The following PRKAR1B variants were observed in gnomAD, a reference collection of about 807,000 sequenced individuals.
The protein encoded by PRKAR1B is cAMP-dependent protein kinase type I-beta regulatory subunit.
In PRKAR1B, 22 loss-of-function variants were observed where a neutral mutation model predicts 46.5. The ratio of observed to expected loss-of-function variants is 0.47; its 90% CI spans 0.34 to 0.68. The LOEUF (loss-of-function observed/expected upper bound fraction) is 0.68, where lower values mean the gene tolerates loss of function less well. Among genes scored for constraint, PRKAR1B ranks in the 30% least tolerant of loss-of-function variants. PRKAR1B has a pLI of 0.01. For synonymous variants in PRKAR1B, 259 were observed against 217.7 expected (o/e 1.19, Z -1.67); for missense variants, 445 against 535.6 (o/e 0.83, Z 1.67).
chr7:613,935 AG>A (rs766963042), intron 4 of PRKAR1B, among the ~76,000 whole-genome samples: 1 of 152,204 alleles, frequency 6.6e-6, no homozygotes, highest in African/African-American at 2.4e-5. Context: ...CAGTGCTGGG[AG>A]GTCCCCGCAG....
At chr7:583,670 A>G (rs925892356) in intron 8 of PRKAR1B, among the ~76,000 whole-genome samples, 2 of 135,222 alleles carry the variant, frequency 1.5e-5, no homozygotes, top group African/African-American at 6.1e-5. Context: ...GCACACACCC[A>G]CACACAACCC....
In PRKAR1B at chr7:558,705, T is replaced by C. The variant is rs1186930399; in HGVS notation, c.892-7235A>G. Among the ~76,000 whole-genome samples the C allele has an allele frequency of 2.6e-5, 4 of 151,700 alleles. No individual in the cohort carries two copies. The East Asian group carries it at 5.8e-4, about 22-fold the overall frequency. On this transcript the variant is annotated intron_variant, in intron 9 of 10. Coordinates refer to ENST00000537384, the MANE Select transcript of PRKAR1B (RefSeq NM_001164760.2). ...AGGGGGAGGTTGCAGTGAGCCGAGATTGCGCCACTGCACTCCAGCCTGGGC... is the reference window on the plus strand; with the variant it reads ...AGGGGGAGGTTGCAGTGAGCCGAGACTGCGCCACTGCACTCCAGCCTGGGC...
At chr7:619,773 C>T (rs1412773935) in intron 4 of PRKAR1B, among the ~76,000 whole-genome samples, 1 of 152,246 alleles carries the variant, frequency 6.6e-6, no homozygotes, top group Non-Finnish European at 1.5e-5. Flanking sequence ...CTTTGTGCTT[C>T]TGTTTCAAAG....
chr7:726,899 C>T lies in PRKAR1B; in HGVS notation c.-23+311G>A, dbSNP rs1238011792. 3.6e-5 allele frequency: 48 copies of T among 1,344,968 alleles called. No individual in the cohort carries two copies. The highest frequency in any genetic ancestry group is 2.8e-4 in the Middle Eastern group (1 of 3,562). 83.3% of individuals were successfully genotyped at this position (1,344,968 alleles called of 1,614,324 possible). ...GCCCTGCGGCGCGCGCTGGAGGAGC[C>T]AGGCCCTGCCGCCGACCCCACCGCT... On this transcript the variant is annotated intron_variant, in intron 1 of 10. Transcript: ENST00000537384.
chr7:614,887 G>C (rs1048594973), intron 4 of PRKAR1B, among the ~76,000 whole-genome samples: 5 of 152,014 alleles, frequency 3.3e-5, no homozygotes, highest in Non-Finnish European at 7.4e-5. Flanking sequence ...ACTCCAACCT[G>C]GGTGACAGAG....
chr7:690,622 G>A (rs1054461790), intron 2 of PRKAR1B, among the ~76,000 whole-genome samples: 2 of 152,104 alleles, frequency 1.3e-5, no homozygotes, highest in Non-Finnish European at 2.9e-5. Flanking sequence ...CATAATAAAA[G>A]TAAACTACTG....
At chr7:572,060 C>A (rs1460001617) in intron 9 of PRKAR1B, among the ~76,000 whole-genome samples, 1 of 152,212 alleles carries the variant, frequency 6.6e-6, no homozygotes, top group Non-Finnish European at 1.5e-5. Context: ...GGCTGCCCCC[C>A]AACCTTTGGT....
intron 1 of PRKAR1B, 144 bp from the exon 2 acceptor site, chr7:711,671 G>C: frequency 1.3e-6 from 1 of 788,636 alleles, no homozygotes; most frequent in Middle Eastern, 3.8e-4. Context: ...CTTTCATTCT[G>C]TGGGGCCAGG....
chr7:675,622 A>G (rs1786537418), intron 4 of PRKAR1B, among the ~76,000 whole-genome samples: 2 of 152,234 alleles, frequency 1.3e-5, no homozygotes, highest in South Asian at 4.1e-4. Context: ...TCCAAGATGA[A>G]AACACAAGGA....
chr7:690,797 A>C (rs1457406758), intron 2 of PRKAR1B, among the ~76,000 whole-genome samples: 37 of 152,106 alleles, frequency 2.4e-4, no homozygotes, highest in Non-Finnish European at 2.9e-5. Context: ...GTAAAAAAAA[A>C]CAAAAAAACA....
At chr7:592,477 C>T (rs551164302) in intron 7 of PRKAR1B, among the ~76,000 whole-genome samples, 1 of 147,924 alleles carries the variant, frequency 6.8e-6, no homozygotes, top group Non-Finnish European at 1.5e-5. Flanking sequence ...CCCGGCTCCA[C>T]CGGCTGTGCC....
chr7:669,825 C>T (rs1386303313), intron 4 of PRKAR1B, among the ~76,000 whole-genome samples: 1 of 150,372 alleles, frequency 6.7e-6, no homozygotes, highest in Non-Finnish European at 1.5e-5. Context: ...ACAATGAAAA[C>T]AAGAGCGAGA....
intron 4 of PRKAR1B, among the ~76,000 whole-genome samples, chr7:660,252 G>A (rs1583373327): frequency 6.6e-6 from 1 of 151,932 alleles, no homozygotes; most frequent in East Asian, 1.9e-4. Flanking sequence ...CGGGGACATG[G>A]GCCCACCGAG....
intron 4 of PRKAR1B, among the ~76,000 whole-genome samples, chr7:617,978 C>G (rs71518324): frequency 0.75 from 114,584 of 151,990 alleles, 43,706 homozygotes; most frequent in South Asian, 0.9. Context: ...AGCCTGGAGG[C>G]CTCCAGGGAA....
intron 2 of PRKAR1B, among the ~76,000 whole-genome samples, chr7:685,051 A>C (rs1304257929): frequency 6.6e-6 from 1 of 151,776 alleles, no homozygotes; most frequent in Non-Finnish European, 1.5e-5. Flanking sequence ...TTTGATCCTC[A>C]ATGTGGTGAT....
At chr7:622,630 T>C (rs1583315544) in intron 4 of PRKAR1B, among the ~76,000 whole-genome samples, 1 of 152,282 alleles carries the variant, frequency 6.6e-6, no homozygotes. Flanking sequence ...CGGGTTGTTA[T>C]TCCCCCTCCC....
chr7:668,813 G>A (rs1465811226), intron 4 of PRKAR1B, among the ~76,000 whole-genome samples: 2 of 152,182 alleles, frequency 1.3e-5, no homozygotes, highest in South Asian at 4.2e-4. Flanking sequence ...CCTGGGAGCT[G>A]GGGAGGAGCC....
chr7:630,288 G>C (rs1464786720), intron 4 of PRKAR1B, among the ~76,000 whole-genome samples: 1 of 152,202 alleles, frequency 6.6e-6, no homozygotes, highest in Non-Finnish European at 1.5e-5. Context: ...TGAGGGCTCG[G>C]CCAGCCCCAT....
intron 9 of PRKAR1B, among the ~76,000 whole-genome samples, chr7:572,947 G>C (rs1266247014): frequency 6.6e-6 from 1 of 152,216 alleles, no homozygotes; most frequent in Non-Finnish European, 1.5e-5. Context: ...TCCTCCACGC[G>C]CTGCTTCAAG....
Sources: allele counts gnomAD v4.1 joint callset (sites outside exome capture counted in the v4.1 genomes callset), GRCh38; gene constraint gnomAD v4.1.1; transcripts MANE v1.5; gene names NCBI Gene and HGNC (gene_info 2026-07-23, HGNC 2026-07-21).